The following PIK3CD variants were observed in gnomAD, a reference collection of about 807,000 sequenced individuals.
PIK3CD encodes phosphatidylinositol 4,5-bisphosphate 3-kinase catalytic subunit delta isoform.
In PIK3CD, 20 loss-of-function variants were observed where a neutral mutation model predicts 122.9. The ratio of observed to expected loss-of-function variants is 0.16; its 90% CI spans 0.11 to 0.24. The LOEUF is 0.24. Among genes scored for constraint, PIK3CD ranks in the 10% least tolerant of loss-of-function variants. The pLI is 1.00. For synonymous variants in PIK3CD, 596 were observed against 593.4 expected (o/e 1.00, Z -0.06); for missense variants, 787 against 1,406.3 (o/e 0.56, Z 7.04).
chr1:9,669,541 G>A (rs6671868), intron 1 of PIK3CD, among the ~76,000 whole-genome samples: 21,258 of 152,088 alleles, frequency 0.14, 2,124 homozygotes, highest in East Asian at 0.53. Context: ...ATTGGTTCAG[G>A]TCTCAAACTC....
At chr1:9,654,186 C>T (rs1186966812) in intron 1 of PIK3CD, 1 of 1,358,956 alleles carries the variant, frequency 7.4e-7, no homozygotes, top group Non-Finnish European at 9.9e-7. Context: ...CTACATTGGC[C>T]ACACTACTCA....
chr1:9,628,524 C>T, the PIK3CD span, among the ~76,000 whole-genome samples: 22 of 152,310 alleles, frequency 1.4e-4, no homozygotes, highest in East Asian at 1.5e-3. Context: ...GTCTAAGCAA[C>T]GCCAGAGCCT....
chr1:9,726,884 G>A, intron 23 of PIK3CD, 25 bp from the exon 24 acceptor site: 1 of 1,613,640 alleles, frequency 6.2e-7, no homozygotes, highest in African/African-American at 1.3e-5. Context: ...CCCTTAACGT[G>A]GACACCGCTG....
chr1:9,716,882 G>C (rs1647559926), intron 6 of PIK3CD, 77 bp from the exon 7 acceptor site: 3 of 1,599,008 alleles, frequency 1.9e-6, no homozygotes. Flanking sequence ...GGGCAGCTTG[G>C]GGGGTCCTGG....
At chr1:9,645,978 G>A in the PIK3CD span, among the ~76,000 whole-genome samples, 1 of 150,890 alleles carries the variant, frequency 6.6e-6, no homozygotes, top group East Asian at 1.9e-4. Context: ...TGTCACGTTG[G>A]CCAGGCTGGT....
chr1:9,697,346 C>T (rs1019866157), intron 2 of PIK3CD, among the ~76,000 whole-genome samples: 4 of 152,012 alleles, frequency 2.6e-5, no homozygotes, highest in East Asian at 1.9e-4. Flanking sequence ...AAGTGGAGGT[C>T]GGAGGACTGC....
chr1:9,714,388 T>C (rs969082062), intron 3 of PIK3CD, among the ~76,000 whole-genome samples: 3 of 152,176 alleles, frequency 2.0e-5, no homozygotes, highest in African/African-American at 7.2e-5. Flanking sequence ...CTGAGTGATA[T>C]GTAAATGAAG....
At chr1:9,660,171 C>T (rs1436870693) in intron 1 of PIK3CD, among the ~76,000 whole-genome samples, 1 of 152,234 alleles carries the variant, frequency 6.6e-6, no homozygotes, top group Non-Finnish European at 1.5e-5. Context: ...CTCGGCCTCC[C>T]AAAGTGCTGG....
chr1:9,685,875 T>A (rs181992065), intron 1 of PIK3CD, among the ~76,000 whole-genome samples: 1 of 152,294 alleles, frequency 6.6e-6, no homozygotes, highest in East Asian at 1.9e-4. Context: ...GATTTTTTTC[T>A]GACTTTAGCC....
At chr1:9,713,649 G>A (rs1647143756) in intron 3 of PIK3CD, among the ~76,000 whole-genome samples, 1 of 151,886 alleles carries the variant, frequency 6.6e-6, no homozygotes, top group Non-Finnish European at 1.5e-5. Flanking sequence ...GGAATGCAGT[G>A]GCATAATCCT....
chr1:9,691,662 C>T (rs1047578412), intron 2 of PIK3CD, 91 bp downstream of exon 2: 1 of 396,340 alleles, frequency 2.5e-6, no homozygotes, highest in East Asian at 3.6e-5. Context: ...ACCCATCCTC[C>T]CCGACTCTCC....
intron 1 of PIK3CD, among the ~76,000 whole-genome samples, chr1:9,678,362 G>A (rs1020721561): frequency 2.0e-5 from 3 of 151,818 alleles, no homozygotes; most frequent in African/African-American, 2.4e-5. Flanking sequence ...AGGCTGAGGC[G>A]GGAGGATCGC....
chr1:9,643,456 GAGGGAGGGAGGGAAGGA>G, the PIK3CD span, among the ~76,000 whole-genome samples: 4 of 127,822 alleles, frequency 3.1e-5, no homozygotes, highest in South Asian at 3.0e-4. Context: ...GGAAGGAAGG[GAGGGAGGGAGGGAAGGA>G]AGGGAGGGAG....
chr1:9,646,214 T>C, the PIK3CD span, among the ~76,000 whole-genome samples: 1 of 152,178 alleles, frequency 6.6e-6, no homozygotes, highest in Non-Finnish European at 1.5e-5. Context: ...GCCTCAGTTT[T>C]CTCATCCGTA....
the PIK3CD span, among the ~76,000 whole-genome samples, chr1:9,634,431 G>A: frequency 1.3e-5 from 2 of 152,052 alleles, no homozygotes; most frequent in African/African-American, 4.8e-5. Flanking sequence ...CAAAGTGCTG[G>A]GATTACAGGC....
intron 1 of PIK3CD, among the ~76,000 whole-genome samples, chr1:9,655,754 A>G (rs1347281355): frequency 2.0e-5 from 3 of 146,440 alleles, no homozygotes; most frequent in Admixed American, 6.9e-5. Flanking sequence ...CTGGAGTGCA[A>G]TGGTGTGATC....
intron 1 of PIK3CD, among the ~76,000 whole-genome samples, chr1:9,655,847 C>T (rs1044624516): frequency 6.6e-6 from 1 of 151,960 alleles, no homozygotes; most frequent in Non-Finnish European, 1.5e-5. Context: ...CAGATGTGCG[C>T]CACTATGGCC....
At position 9,722,493 on chromosome 1, in the gene PIK3CD, A is replaced by G. The variant is rs1553171226; in HGVS notation, c.2348-35A>G. 6 of 1,583,844 alleles carry G rather than the reference A, an allele frequency of 3.8e-6. No homozygotes were observed. In the Admixed American group the frequency reaches 1.0e-4, roughly 26 times the overall value. Reference sequence around the variant, plus strand: ...GCTGGAAGCAGAGAACCTACCAGAAACTCACGCTTCTCCTCCCACCGGCCG... The same window carrying G: ...GCTGGAAGCAGAGAACCTACCAGAAGCTCACGCTTCTCCTCCCACCGGCCG... On this transcript the variant is annotated intron_variant, in intron 18 of 23. Coordinates refer to ENST00000377346, the MANE Select transcript of PIK3CD (RefSeq NM_005026.5). The surrounding 1 kb of genome is among the most constrained non-coding windows in gnomAD (Gnocchi z 7.6).
In PIK3CD at chr1:9,719,120, G is replaced by T. The variant is rs1354015822; in HGVS notation, c.1242+205G>T. On this transcript the variant is annotated intron_variant, in intron 9 of 23. Transcript: ENST00000377346. This position sits in a 1 kb window ranked among gnomAD's most constrained non-coding sequence, Gnocchi z 5.5. The stretch of plus-strand genomic sequence containing the variant: ...ACACTCTGGGCTCCTGGGCTCCTGT[G>T]CATGCGGCCTCAGAATATCTGGCCT... 6.6e-6 allele frequency among the ~76,000 whole-genome samples: 1 copy of T among 152,268 alleles called. No individual in the cohort carries two copies. Among genetic ancestry groups the T allele is most frequent in the Non-Finnish European group, 1.5e-5 (1 of 68,046 alleles).
Sources: gnomAD v4.1 joint callset for allele counts (sites outside exome capture counted in the v4.1 genomes callset) on GRCh38, gnomAD v4.1.1 for gene constraint, Gnocchi (gnomAD v3.1) non-coding constraint, MANE v1.5 for transcripts, NCBI Gene and HGNC (gene_info 2026-07-23, HGNC 2026-07-21) for gene names.